Variants in MGAT5B observed in about 807,000 individuals in gnomAD.
MGAT5B encodes alpha-1,6-mannosylglycoprotein 6-beta-N-acetylglucosaminyltransferase B, also known as N-acetylglucosaminyl-transferase Vb.
Under a neutral mutation model 95.1 loss-of-function variants are expected in MGAT5B, and 54 were observed. The observed-to-expected ratio is 0.57, with a 90% CI of 0.46 to 0.71. The LOEUF (loss-of-function observed/expected upper bound fraction) is 0.71. MGAT5B is among the 30% of genes least tolerant of loss of function. The probability of loss-of-function intolerance (pLI) is 0.00; values close to 1 mark genes in which losing one functional copy is unlikely to be tolerated. For missense variants in MGAT5B, 935 were observed against 1,088.6 expected (o/e 0.86, Z 1.99); for synonymous variants, 464 against 451.0 (o/e 1.03, Z -0.36).
chr17:76,886,986 C>T (rs1967653872), intron 3 of MGAT5B, among the ~76,000 whole-genome samples: 1 of 152,158 alleles, frequency 6.6e-6, no homozygotes, highest in Admixed American at 6.5e-5. Flanking sequence ...GGAGGCTGCA[C>T]TGAGCTGAGA....
Position 76,949,039 on chromosome 17 carries a change from C to T in MGAT5B, c.*201C>T, listed in dbSNP as rs1970125158. On this transcript the variant is annotated 3_prime_UTR_variant, in exon 18 of 18. Coordinates refer to ENST00000569840, the MANE Select transcript of MGAT5B (RefSeq NM_001199172.2). Reference sequence around the variant, plus strand: ...CAGCATGCCGAGCCCCTGGGACCTCCCAGGCAGGCTCCGGTTCTCTCCTGG... The same window carrying T: ...CAGCATGCCGAGCCCCTGGGACCTCTCAGGCAGGCTCCGGTTCTCTCCTGG... 1.6e-6 allele frequency: 1 copy of T among 637,110 alleles called. No homozygotes were observed. Among genetic ancestry groups the T allele is most frequent in the Admixed American group, 3.0e-5 (1 of 33,160 alleles). The allele number at this position is 637,110 out of a possible 1,614,324, so 39.5% of individuals were successfully genotyped here.
At chr17:76,926,491 C>T in intron 9 of MGAT5B, 106 bp from the exon 10 acceptor site, 2 of 1,158,500 alleles carry the variant, frequency 1.7e-6, no homozygotes, top group Non-Finnish European at 2.4e-6. Context: ...CTGTGCTACT[C>T]TGACTCCACC....
Position 76,918,582 on chromosome 17 carries a change from G to A in MGAT5B, c.1026-6384G>A, listed in dbSNP as rs1234835899. Among the ~76,000 whole-genome samples the A allele has an allele frequency of 6.6e-6, 1 of 152,204 alleles. No homozygotes were observed. Among genetic ancestry groups the A allele is most frequent in the Non-Finnish European group, 1.5e-5 (1 of 68,032 alleles). On this transcript the variant is annotated intron_variant, in intron 8 of 17. Transcript: ENST00000569840. The surrounding 1 kb of genome is among the most constrained non-coding windows in gnomAD (Gnocchi z 5.1). ...TGCTTCCTAAAGCAGCTCATTAGAT[G>A]TCCAGTTCAACCTCTGAGTTTCTTC... is the stretch of plus-strand genomic sequence containing the variant.
chr17:76,894,584 A>G (rs182939399), intron 3 of MGAT5B, among the ~76,000 whole-genome samples: 1 of 152,246 alleles, frequency 6.6e-6, no homozygotes, highest in Admixed American at 6.5e-5. Flanking sequence ...GGCTGTGCGC[A>G]GTGGCTCATG....
chr17:76,908,272 CTTCTTT>C (rs1968607720), intron 8 of MGAT5B, among the ~76,000 whole-genome samples: 3 of 128,272 alleles, frequency 2.3e-5, no homozygotes, highest in African/African-American at 3.0e-5. Flanking sequence ...CTCTTTCTTT[CTTCTTT>C]TTTTTTTTTT....
chr17:76,875,688 C>A (rs568481942), intron 2 of MGAT5B, among the ~76,000 whole-genome samples: 2 of 114,368 alleles, frequency 1.7e-5, no homozygotes, highest in African/African-American at 3.5e-5. Context: ...TGCTGTGTAG[C>A]CTTCCATTGT....
At position 76,917,542 on chromosome 17, in the gene MGAT5B, G is replaced by A. The variant is rs963744097; in HGVS notation, c.1026-7424G>A. Among the ~76,000 whole-genome samples, 8 of 152,184 alleles carry A rather than the reference G, an allele frequency of 5.3e-5. No individual in the cohort carries two copies. The highest frequency in any genetic ancestry group is 1.9e-4 in the African/African-American group (8 of 41,430). Reference sequence around the variant, plus strand: ...TTTGGTAAAAGGAATGCATTTTCCTGCAAGCCAGACTGCTTTTTCCTCGGC... The same window carrying A: ...TTTGGTAAAAGGAATGCATTTTCCTACAAGCCAGACTGCTTTTTCCTCGGC... On this transcript the variant is annotated intron_variant, in intron 8 of 17. Transcript: ENST00000569840. The surrounding 1 kb of genome is among the most constrained non-coding windows in gnomAD (Gnocchi z 6.1).
At chr17:76,926,765 GTCC>G in intron 10 of MGAT5B, 35 bp downstream of exon 10, 2 of 1,607,286 alleles carry the variant, frequency 1.2e-6, no homozygotes, top group Non-Finnish European at 1.7e-6. Context: ...GGGGTCGGAG[GTCC>G]TCCTCATGGT....
chr17:76,934,143 C>T (rs756200690), intron 12 of MGAT5B, among the ~76,000 whole-genome samples: 19 of 152,182 alleles, frequency 1.2e-4, no homozygotes, highest in African/African-American at 1.9e-4. Flanking sequence ...GGGATCTCAC[C>T]ATCTGGGTTG....
At chr17:76,922,933 C>T (rs1048078235) in intron 8 of MGAT5B, among the ~76,000 whole-genome samples, 1 of 152,150 alleles carries the variant, frequency 6.6e-6, no homozygotes, top group Non-Finnish European at 1.5e-5. Flanking sequence ...GGGGTACTAG[C>T]TGGAGGTGGG....
At position 76,870,058 on chromosome 17, in the gene MGAT5B, G is replaced by A. The variant is rs1036546160; in HGVS notation, c.68+961G>A. ...CCGCCCCGGCGCGGGGGCCGGACTCGGGACGTGGCCACAGGTGGGCTCCGG... is the reference window on the plus strand; with the variant it reads ...CCGCCCCGGCGCGGGGGCCGGACTCAGGACGTGGCCACAGGTGGGCTCCGG... On this transcript the variant is annotated intron_variant, in intron 1 of 17. Coordinates refer to ENST00000569840, the MANE Select transcript of MGAT5B (RefSeq NM_001199172.2). This position sits in a 1 kb window ranked among gnomAD's most constrained non-coding sequence, Gnocchi z 5.0. Among the ~76,000 whole-genome samples, 4 of 152,212 alleles carry A rather than the reference G, an allele frequency of 2.6e-5. No individual in the cohort carries two copies. The highest frequency in any genetic ancestry group is 9.6e-5 in the African/African-American group (4 of 41,458).
rs1969738819 is a variant in MGAT5B, at chr17:76,938,199, C to T, written c.1584+56C>T. On this transcript the variant is annotated intron_variant, in intron 13 of 17. Transcript: ENST00000569840. The surrounding 1 kb of genome is among the most constrained non-coding windows in gnomAD (Gnocchi z 4.3). ...ACTTGCCGGCTGCAGACACTGAGGTCACCACCCATGCCTGCCACCACCACT... is the reference window on the plus strand; with the variant it reads ...ACTTGCCGGCTGCAGACACTGAGGTTACCACCCATGCCTGCCACCACCACT... 3 of 1,593,928 alleles carry T rather than the reference C, an allele frequency of 1.9e-6. No individual in the cohort carries two copies. The highest frequency in any genetic ancestry group is 2.6e-6 in the Non-Finnish European group (3 of 1,167,152).
At chr17:76,907,578 T>G (rs981238527) in intron 8 of MGAT5B, among the ~76,000 whole-genome samples, 1 of 152,264 alleles carries the variant, frequency 6.6e-6, no homozygotes, top group Non-Finnish European at 1.5e-5. Context: ...TATTCCATTG[T>G]GTGAATGTGC....
chr17:76,935,728 G>T (rs190688382), intron 12 of MGAT5B, among the ~76,000 whole-genome samples: 3 of 143,066 alleles, frequency 2.1e-5, no homozygotes, highest in African/African-American at 5.1e-5. Context: ...TCCAAGTCTC[G>T]TATCAAATAT....
intron 2 of MGAT5B, among the ~76,000 whole-genome samples, chr17:76,876,649 G>A (rs1178424327): frequency 6.6e-6 from 1 of 152,158 alleles, no homozygotes; most frequent in Non-Finnish European, 1.5e-5. Context: ...TGTGGACTGT[G>A]GTCTATGTGT....
At chr17:76,894,428 G>A (rs1259244911) in intron 3 of MGAT5B, among the ~76,000 whole-genome samples, 1 of 152,252 alleles carries the variant, frequency 6.6e-6, no homozygotes, top group Non-Finnish European at 1.5e-5. Flanking sequence ...AGCTTGGCAA[G>A]CGAGTGCTCA....
chr17:76,945,324 C>T (rs1599011293), intron 15 of MGAT5B, among the ~76,000 whole-genome samples: 1 of 152,204 alleles, frequency 6.6e-6, no homozygotes, highest in Admixed American at 6.5e-5. Context: ...AAGTCTCACT[C>T]TGTTGCCCAG....
chr17:76,932,120 TTTG>T (rs1969509574), intron 10 of MGAT5B, among the ~76,000 whole-genome samples: 2 of 118,760 alleles, frequency 1.7e-5, no homozygotes, highest in East Asian at 2.8e-4. Flanking sequence ...CTTCGTCTTC[TTTG>T]TCTTCTCCTT....
At chr17:76,878,897 C>T (rs1275466630) in intron 2 of MGAT5B, among the ~76,000 whole-genome samples, 1 of 152,198 alleles carries the variant, frequency 6.6e-6, no homozygotes, top group Admixed American at 6.5e-5. Flanking sequence ...ATGAGCCCAG[C>T]CCCCTCATTT....
Sources: allele counts gnomAD v4.1 joint callset (sites outside exome capture counted in the v4.1 genomes callset), GRCh38; gene constraint gnomAD v4.1.1; non-coding constraint Gnocchi (gnomAD v3.1); transcripts MANE v1.5; gene names NCBI Gene and HGNC (gene_info 2026-07-23, HGNC 2026-07-21).